SPAST: variants seen among roughly 807,000 people sequenced by gnomAD.
SPAST encodes spastin, also known as spastic paraplegia 4 (autosomal dominant; spastin).
SPAST carries 30 observed loss-of-function variants against 76.6 expected under a neutral mutation model. The observed-to-expected ratio is 0.39, with a 90% CI of 0.29 to 0.53. SPAST has a LOEUF of 0.53. Ranked by LOEUF, SPAST falls within the 20% of genes least tolerant of loss-of-function variation. The pLI, the probability that SPAST is intolerant of heterozygous loss-of-function variation, is 0.68. For synonymous variants in SPAST, 305 were observed against 281.0 expected (o/e 1.09, Z -0.86); for missense variants, 717 against 770.5 (o/e 0.93, Z 0.82).
intron 1 of SPAST, among the ~76,000 whole-genome samples, chr2:32,073,529 C>T (rs1158203909): frequency 6.6e-6 from 1 of 151,910 alleles, no homozygotes; most frequent in Admixed American, 6.6e-5. Flanking sequence ...AGGGTCTTGC[C>T]GTATTGCCCA....
At chr2:32,092,794 G>A (rs551322035) in intron 3 of SPAST, among the ~76,000 whole-genome samples, 163 of 152,178 alleles carry the variant, frequency 1.1e-3, no homozygotes, top group African/African-American at 3.7e-3. Context: ...GATCACCTGA[G>A]GTCAGGAGTT....
intron 1 of SPAST, among the ~76,000 whole-genome samples, chr2:32,076,814 A>AG (rs1208023213): frequency 6.6e-6 from 1 of 151,944 alleles, no homozygotes; most frequent in Non-Finnish European, 1.5e-5. Context: ...TTCCCACTTC[A>AG]GACTCTCAAG....
intron 4 of SPAST, among the ~76,000 whole-genome samples, chr2:32,109,954 G>C (rs1042561162): frequency 1.6e-5 from 2 of 125,440 alleles, no homozygotes; most frequent in Admixed American, 8.3e-5. Context: ...AGTTACATAT[G>C]TATATGTATA....
intron 1 of SPAST, among the ~76,000 whole-genome samples, chr2:32,084,887 CAAAAAAAAAAAAAA>C (rs34046587): frequency 2.5e-5 from 2 of 81,570 alleles, no homozygotes; most frequent in Admixed American, 3.2e-4. Flanking sequence ...GACTCCGTCT[CAAAAAAAAAAAAAA>C]AAAAAAAAAG....
chr2:32,138,492 T>G (rs1448885763), intron 12 of SPAST, among the ~76,000 whole-genome samples: 1 of 152,176 alleles, frequency 6.6e-6, no homozygotes, highest in Non-Finnish European at 1.5e-5. Flanking sequence ...TTGAGAAGTG[T>G]CTATTCATTT....
At chr2:32,147,345 GTTTTTTTT>G (rs71407417) in intron 16 of SPAST, 87 bp downstream of exon 16, 9 of 162,894 alleles carry the variant, frequency 5.5e-5, no homozygotes, top group Non-Finnish European at 7.2e-5. Flanking sequence ...TGTGTGTGTG[GTTTTTTTT>G]TTTTTTTTTT....
At chr2:32,094,533 A>G (rs79710604) in intron 3 of SPAST, among the ~76,000 whole-genome samples, 5,814 of 152,336 alleles carry the variant, frequency 0.038, 128 homozygotes, top group Middle Eastern at 0.075. Context: ...AAAGAGGCCA[A>G]TGTGTTCCAG....
chr2:32,102,614 A>G (rs376061997), intron 4 of SPAST, among the ~76,000 whole-genome samples: 1 of 152,042 alleles, frequency 6.6e-6, no homozygotes, highest in Non-Finnish European at 1.5e-5. Flanking sequence ...GTTTGTCATA[A>G]ATAGCTCTTA....
intron 16 of SPAST, among the ~76,000 whole-genome samples, chr2:32,150,272 A>C (rs1413764760): frequency 2.1e-5 from 2 of 97,336 alleles, no homozygotes; most frequent in African/African-American, 8.3e-5. Flanking sequence ...TTGTATTTGT[A>C]GTAGAGACAG....
At chr2:32,121,626 C>T (rs756680543) in intron 7 of SPAST, among the ~76,000 whole-genome samples, 4 of 143,818 alleles carry the variant, frequency 2.8e-5, no homozygotes, top group African/African-American at 5.2e-5. Context: ...CTGCGCCCTT[C>T]GCCTCCTGGG....
intron 7 of SPAST, among the ~76,000 whole-genome samples, chr2:32,119,969 CT>C (rs1678962038): frequency 6.7e-6 from 1 of 150,156 alleles, no homozygotes; most frequent in Non-Finnish European, 1.5e-5. Context: ...TGTGATTGTT[CT>C]CCAGTTTTAA....
chr2:32,082,486 C>T (rs1677277330), intron 1 of SPAST, among the ~76,000 whole-genome samples: 1 of 151,942 alleles, frequency 6.6e-6, no homozygotes, highest in African/African-American at 2.4e-5. Context: ...CCCCTGAGAT[C>T]AGGAGTTCGA....
Position 32,063,654 on chromosome 2 carries a change from G to C in SPAST, c.-178G>C. 1 of 769,506 alleles carries C rather than the reference G, an allele frequency of 1.3e-6. No individual in the cohort carries two copies. Among genetic ancestry groups the C allele is most frequent in the Non-Finnish European group, 2.0e-6 (1 of 496,668 alleles). 47.7% of individuals were successfully genotyped at this position (769,506 alleles called of 1,614,324 possible). A position where few individuals can be genotyped will look rare whatever the true frequency, so the allele number is the denominator to read the frequency against. On this transcript the variant is annotated 5_prime_UTR_variant, in exon 1 of 17. Coordinates refer to ENST00000315285, the MANE Select transcript of SPAST (RefSeq NM_014946.4). ...CAGGAGGAGAAGGGGTTGTGCTCCT[G>C]GCCGAGGAAGGAGAAAGGGGCGGGG...
At chr2:32,112,119 A>G (rs1678638373) in intron 4 of SPAST, among the ~76,000 whole-genome samples, 1 of 149,896 alleles carries the variant, frequency 6.7e-6, no homozygotes, top group Non-Finnish European at 1.5e-5. Flanking sequence ...TGCCTGGCTA[A>G]TTTTTGTATT....
rs150788361 is a variant in SPAST at position 32,087,252 on chromosome 2, A to G, written c.416-240A>G. 8.1e-3 allele frequency among the ~76,000 whole-genome samples: 1,241 copies of G among 152,314 alleles called. 20 individuals are homozygous for G. The highest frequency in any genetic ancestry group is 0.028 in the African/African-American group (1,178 of 41,572). ...ATTTTAGGTTATAAGGATCAATACCATGGGCTGATAAGCAAAATAGGACTC... is the reference window on the plus strand; with the variant it reads ...ATTTTAGGTTATAAGGATCAATACCGTGGGCTGATAAGCAAAATAGGACTC... On this transcript the variant is annotated intron_variant, in intron 1 of 16. Coordinates refer to ENST00000315285, the MANE Select transcript of SPAST (RefSeq NM_014946.4).
chr2:32,078,396 G>A (rs912019981), intron 1 of SPAST, among the ~76,000 whole-genome samples: 3 of 152,054 alleles, frequency 2.0e-5, no homozygotes, highest in African/African-American at 4.8e-5. Context: ...GGCTGGTCTC[G>A]AACGCCTAGC....
intron 16 of SPAST, 86 bp downstream of exon 16, chr2:32,147,344 G>GTTTT: frequency 1.5e-5 from 4 of 266,520 alleles, no homozygotes; most frequent in South Asian, 1.6e-4. Flanking sequence ...GTGTGTGTGT[G>GTTTT]GTTTTTTTTT....
chr2:32,081,708 C>A lies in SPAST; in HGVS notation c.416-5784C>A, dbSNP rs1033692476. ...CTGAGGCAGGAAAATTGCTTGAACC[C>A]GAGAGGCAGAGGTTGCAGTAAGCCG... On this transcript the variant is annotated intron_variant, in intron 1 of 16. Transcript: ENST00000315285. Among the ~76,000 whole-genome samples the A allele has an allele frequency of 2.8e-5, 4 of 141,030 alleles. No homozygotes were observed. In the East Asian group the frequency reaches 9.0e-4, roughly 32 times the overall value. The allele number at this position is 141,030 out of a possible 152,430, so 92.5% of individuals were successfully genotyped here.
intron 1 of SPAST, 98 bp downstream of exon 1, chr2:32,064,344 G>A: frequency 1.7e-6 from 2 of 1,167,366 alleles, no homozygotes; most frequent in East Asian, 2.6e-5. Context: ...TGCGGGAGGG[G>A]ACGGTGCACC....
Sources: gnomAD v4.1 joint callset for allele counts (sites outside exome capture counted in the v4.1 genomes callset) on GRCh38, gnomAD v4.1.1 for gene constraint, MANE v1.5 for transcripts, NCBI Gene and HGNC (gene_info 2026-07-23, HGNC 2026-07-21) for gene names.